Variants in OCA2 observed in about 807,000 individuals in gnomAD.
The protein encoded by OCA2 is OCA2 melanosomal transmembrane protein.
OCA2 carries 77 observed loss-of-function variants against 100.2 expected under a neutral mutation model. The observed-to-expected ratio is 0.77, with a 90% CI of 0.64 to 0.93. The LOEUF (loss-of-function observed/expected upper bound fraction) is 0.93, where lower values mean the gene tolerates loss of function less well. Among genes scored for constraint, OCA2 ranks in the 40% least tolerant of loss-of-function variants. The pLI is 0.00. For missense variants in OCA2, 1,062 were observed against 1,089.1 expected (o/e 0.98, Z 0.35); for synonymous variants, 432 against 439.2 (o/e 0.98, Z 0.21).
At chr15:27,785,139 A>C (rs2032744932) in intron 23 of OCA2, among the ~76,000 whole-genome samples, 1 of 152,242 alleles carries the variant, frequency 6.6e-6, no homozygotes, top group Non-Finnish European at 1.5e-5. Flanking sequence ...AACTTGTCAG[A>C]CTATGCAAGC....
chr15:27,837,076 G>T (rs2035181765), intron 23 of OCA2, among the ~76,000 whole-genome samples: 2 of 152,214 alleles, frequency 1.3e-5, no homozygotes, highest in African/African-American at 4.8e-5. Flanking sequence ...TCTTACGTGG[G>T]TGGCACTGAA....
At position 28,018,702 on chromosome 15, in the gene OCA2, T is replaced by C; in HGVS notation, c.647-145A>G. 8 of 748,610 alleles carry C rather than the reference T, an allele frequency of 1.1e-5. 1 individual carries two copies. The South Asian group carries it at 1.2e-4, about 11-fold the overall frequency. 46.4% of individuals were successfully genotyped at this position (748,610 alleles called of 1,614,324 possible). Reference sequence around the variant, plus strand: ...ACGCCCTTGGCCATTAACACGATCTTCCTGCCTTTCTTATTACCCACATCT... The same window carrying C: ...ACGCCCTTGGCCATTAACACGATCTCCCTGCCTTTCTTATTACCCACATCT... On this transcript the variant is annotated intron_variant, in intron 6 of 23. Transcript: ENST00000354638.
In OCA2 at chr15:27,847,407, G is replaced by A. The variant is rs532227722; in HGVS notation, c.2339-2355C>T. On this transcript the variant is annotated intron_variant, in intron 22 of 23. Transcript: ENST00000354638. Reference sequence around the variant, plus strand: ...AGACAGGAGGGCAGGGAGGAGAACTGGCACCAACACATTTTGATGACGAAG... The same window carrying A: ...AGACAGGAGGGCAGGGAGGAGAACTAGCACCAACACATTTTGATGACGAAG... Among the ~76,000 whole-genome samples the A allele has an allele frequency of 2.6e-5, 4 of 152,306 alleles. No homozygotes were observed. In the South Asian group the frequency reaches 6.2e-4, roughly 24 times the overall value.
chr15:28,076,832 C>T (rs1230425415), intron 2 of OCA2, among the ~76,000 whole-genome samples: 5 of 123,422 alleles, frequency 4.1e-5, no homozygotes, highest in South Asian at 2.4e-4. Flanking sequence ...CCGGCCTGGG[C>T]GACAGAGCGA....
chr15:27,881,409 A>G (rs1419269032), intron 19 of OCA2, among the ~76,000 whole-genome samples: 1 of 152,010 alleles, frequency 6.6e-6, no homozygotes, highest in African/African-American at 2.4e-5. Context: ...CCTCCTTTTC[A>G]ATTGTTTGGA....
intron 23 of OCA2, among the ~76,000 whole-genome samples, chr15:27,773,299 T>A (rs2151054908): frequency 6.6e-6 from 1 of 152,308 alleles, no homozygotes; most frequent in African/African-American, 2.4e-5. Context: ...ATAATGAGAA[T>A]AAATCTATAT....
At chr15:28,052,962 G>A (rs1052960066) in intron 2 of OCA2, among the ~76,000 whole-genome samples, 3 of 152,180 alleles carry the variant, frequency 2.0e-5, no homozygotes, top group African/African-American at 7.2e-5. Context: ...CAGGGATGGC[G>A]ATGGCAATGA....
At chr15:27,981,433 A>C (rs1290486455) in intron 14 of OCA2, among the ~76,000 whole-genome samples, 6 of 152,100 alleles carry the variant, frequency 3.9e-5, no homozygotes, top group African/African-American at 1.4e-4. Flanking sequence ...TTTTTGTATC[A>C]CTCTAAATAT....
At chr15:27,722,403 A>T in the OCA2 span, among the ~76,000 whole-genome samples, 1 of 152,192 alleles carries the variant, frequency 6.6e-6, no homozygotes, top group Admixed American at 6.5e-5. Flanking sequence ...TTCCTTCTGC[A>T]CACCTGGCAG....
chr15:27,880,691 T>A (rs1342020842), intron 19 of OCA2, among the ~76,000 whole-genome samples: 1 of 152,190 alleles, frequency 6.6e-6, no homozygotes, highest in Admixed American at 6.5e-5. Context: ...ATGCCTGTGA[T>A]TCTTGCACAT....
chr15:28,069,295 T>C (rs2044120960), intron 2 of OCA2, among the ~76,000 whole-genome samples: 2 of 150,758 alleles, frequency 1.3e-5, no homozygotes, highest in Admixed American at 1.3e-4. Flanking sequence ...AAAGTCCAAA[T>C]GGGAGTGAAA....
chr15:27,779,950 G>A (rs1297365880), intron 23 of OCA2, among the ~76,000 whole-genome samples: 1 of 152,050 alleles, frequency 6.6e-6, no homozygotes, highest in Non-Finnish European at 1.5e-5. Context: ...ACCTATAGAT[G>A]ACAATACTGT....
the OCA2 span, among the ~76,000 whole-genome samples, chr15:27,722,365 G>A: frequency 1.3e-5 from 2 of 152,214 alleles, no homozygotes; most frequent in African/African-American, 4.8e-5. Context: ...ATGACTGAGT[G>A]GAGGTTACCA....
In OCA2 at chr15:27,824,602, C is replaced by CTATATATA. The variant is rs142689690; in HGVS notation, c.2432+20349_2432+20356dup. Among the ~76,000 whole-genome samples, 19 of 47,560 alleles carry CTATATATA rather than the reference C, an allele frequency of 4.0e-4. 1 individual carries two copies. Among genetic ancestry groups the CTATATATA allele is most frequent in the African/African-American group, 1.3e-3 (8 of 6,316 alleles). The allele number at this position is 47,560 out of a possible 152,430, so 31.2% of individuals were successfully genotyped here. ...TTTCTCTCTCTCTCTCTCTCTCTCT[C>CTATATATA]TATATATATATATATATATAATATA... On this transcript the variant is annotated intron_variant, in intron 23 of 23. Coordinates refer to ENST00000354638, the MANE Select transcript of OCA2 (RefSeq NM_000275.3).
chr15:27,870,697 AAAGAAGGAAGGAAGG>A (rs1203774189), intron 21 of OCA2, among the ~76,000 whole-genome samples: 2 of 100,494 alleles, frequency 2.0e-5, no homozygotes, highest in South Asian at 6.6e-4. Context: ...GGAAGGAAGG[AAAGAAGGAAGGAAGG>A]AAGGAAGGAA....
intron 23 of OCA2, among the ~76,000 whole-genome samples, chr15:27,836,382 C>CTTTCT (rs1406385898): frequency 4.7e-5 from 7 of 148,032 alleles, no homozygotes; most frequent in African/African-American, 7.6e-5. Context: ...CTGTTTTTCT[C>CTTTCT]TTTCTTTTCT....
At chr15:27,794,001 G>A (rs2033209438) in intron 23 of OCA2, among the ~76,000 whole-genome samples, 1 of 152,226 alleles carries the variant, frequency 6.6e-6, no homozygotes, top group South Asian at 2.1e-4. Flanking sequence ...GGGCTGGGGA[G>A]ATGTCAGGGT....
intron 21 of OCA2, among the ~76,000 whole-genome samples, chr15:27,861,798 G>A (rs762211253): frequency 1.1e-4 from 16 of 152,184 alleles, no homozygotes; most frequent in Non-Finnish European, 1.6e-4. Context: ...GGAAACTGAG[G>A]AAATAGGGGA....
intron 14 of OCA2, among the ~76,000 whole-genome samples, chr15:27,977,222 C>T (rs1037014494): frequency 7.2e-5 from 11 of 152,054 alleles, no homozygotes; most frequent in Admixed American, 2.0e-4. Flanking sequence ...CTTTTGCTTT[C>T]GTTGATGTTC....
Sources: gnomAD v4.1 joint callset for allele counts (sites outside exome capture counted in the v4.1 genomes callset) on GRCh38, gnomAD v4.1.1 for gene constraint, MANE v1.5 for transcripts, NCBI Gene and HGNC (gene_info 2026-07-23, HGNC 2026-07-21) for gene names.